AGK: variants seen among roughly 807,000 people sequenced by gnomAD.
AGK encodes the protein acylglycerol kinase, mitochondrial.
Under a neutral mutation model 66.4 loss-of-function variants are expected in AGK, and 52 were observed. That is an observed-to-expected ratio of 0.78 (90% CI 0.63 to 0.99). The LOEUF (loss-of-function observed/expected upper bound fraction) is 0.99. Ranked by LOEUF, AGK falls within the 50% of genes least tolerant of loss-of-function variation. AGK has a pLI of 0.00. For synonymous variants in AGK, 182 were observed against 181.1 expected (o/e 1.00, Z -0.04); for missense variants, 451 against 506.6 (o/e 0.89, Z 1.05).
In AGK at chr7:141,555,443, A is replaced by C; in HGVS notation, c.-14-10A>C. 1 of 1,587,040 alleles carries C rather than the reference A, an allele frequency of 6.3e-7. No individual in the cohort carries two copies. Among genetic ancestry groups the C allele is most frequent in the Non-Finnish European group, 8.6e-7 (1 of 1,156,272 alleles). ...TATATTTTTTTCTCTTTCCGCCTCTACTAACCTAGCAAATCTCTAGAAGAT... is the reference window on the plus strand; with the variant it reads ...TATATTTTTTTCTCTTTCCGCCTCTCCTAACCTAGCAAATCTCTAGAAGAT... On this transcript the variant is annotated splice_polypyrimidine_tract_variant and intron_variant, in intron 1 of 15. Coordinates refer to ENST00000649286, the MANE Select transcript of AGK (RefSeq NM_018238.4). The surrounding 1 kb of genome is among the most constrained non-coding windows in gnomAD (Gnocchi z 4.2).
chr7:141,618,094 A>C (rs1024018847), intron 8 of AGK, among the ~76,000 whole-genome samples: 6 of 152,166 alleles, frequency 3.9e-5, no homozygotes, highest in Non-Finnish European at 7.4e-5. Flanking sequence ...TGGGATTTTA[A>C]AGTATCTTAA....
chr7:141,588,595 G>C (rs1200505588), intron 2 of AGK, among the ~76,000 whole-genome samples: 1 of 151,564 alleles, frequency 6.6e-6, no homozygotes. Flanking sequence ...CAGCCTGGGG[G>C]ACAGAGTGAT....
At chr7:141,600,835 C>T (rs1049276178) in intron 4 of AGK, among the ~76,000 whole-genome samples, 1 of 152,138 alleles carries the variant, frequency 6.6e-6, no homozygotes, top group African/African-American at 2.4e-5. Context: ...AGCTCCTCCA[C>T]CTGTGTCTAT....
intron 12 of AGK, 103 bp from the exon 13 acceptor site, chr7:141,641,708 G>C: frequency 3.2e-6 from 3 of 940,428 alleles, no homozygotes; most frequent in Non-Finnish European, 4.9e-6. Context: ...AGAGTCAGCA[G>C]AAAGGTTGAG....
intron 7 of AGK, among the ~76,000 whole-genome samples, chr7:141,614,626 T>G (rs560747282): frequency 1.3e-5 from 2 of 151,064 alleles, no homozygotes; most frequent in South Asian, 4.2e-4. Flanking sequence ...CAGAAAACAA[T>G]ACTATGTATG....
At chr7:141,553,949 A>G (rs1027209692) in intron 1 of AGK, among the ~76,000 whole-genome samples, 2 of 152,184 alleles carry the variant, frequency 1.3e-5, no homozygotes, top group Non-Finnish European at 2.9e-5. Context: ...TTGTTTATCT[A>G]GAAAATAAGT....
chr7:141,602,171 T>TC (rs1796359414), intron 5 of AGK, among the ~76,000 whole-genome samples: 1 of 66,466 alleles, frequency 1.5e-5, no homozygotes, highest in African/African-American at 5.0e-5. Flanking sequence ...GGGGAGATTT[T>TC]CTTGTGTGTG....
intron 2 of AGK, among the ~76,000 whole-genome samples, chr7:141,581,082 G>A (rs940630939): frequency 1.4e-4 from 21 of 151,894 alleles, no homozygotes; most frequent in African/African-American, 4.4e-4. Flanking sequence ...GAGATCAGTC[G>A]GACACGATCG....
intron 9 of AGK, among the ~76,000 whole-genome samples, chr7:141,623,651 G>T (rs1392432785): frequency 6.6e-6 from 1 of 152,224 alleles, no homozygotes; most frequent in African/African-American, 2.4e-5. Context: ...AACATAAAGT[G>T]CAAGGTGGAG....
chr7:141,604,568 T>C (rs1343112999), intron 5 of AGK, among the ~76,000 whole-genome samples: 2 of 150,792 alleles, frequency 1.3e-5, no homozygotes, highest in African/African-American at 2.4e-5. Context: ...ATTGATGTAC[T>C]ATTATCTTGT....
intron 10 of AGK, among the ~76,000 whole-genome samples, chr7:141,635,041 C>T (rs1414286756): frequency 6.6e-6 from 1 of 152,126 alleles, no homozygotes; most frequent in East Asian, 1.9e-4. Flanking sequence ...AATCTCAAAT[C>T]CAGCAGCTCA....
intron 14 of AGK, among the ~76,000 whole-genome samples, chr7:141,650,098 G>A (rs547945052): frequency 3.3e-5 from 5 of 152,286 alleles, no homozygotes; most frequent in East Asian, 1.9e-4. Flanking sequence ...GCTCCCTCTC[G>A]TGCCCATTTA....
At chr7:141,643,577 A>G (rs1294903410) in intron 13 of AGK, among the ~76,000 whole-genome samples, 1 of 152,164 alleles carries the variant, frequency 6.6e-6, no homozygotes, top group Non-Finnish European at 1.5e-5. Flanking sequence ...TCTTAGGATA[A>G]AGCAATGAGA....
intron 2 of AGK, among the ~76,000 whole-genome samples, chr7:141,573,648 C>T (rs981343656): frequency 2.0e-5 from 3 of 152,078 alleles, no homozygotes; most frequent in Non-Finnish European, 4.4e-5. Context: ...GTTTATAGGC[C>T]GGAAGTTGTC....
chr7:141,591,803 A>G (rs1438321587), intron 2 of AGK, among the ~76,000 whole-genome samples: 1 of 152,230 alleles, frequency 6.6e-6, no homozygotes, highest in Non-Finnish European at 1.5e-5. Context: ...AGTGCCAGCA[A>G]TGTGCATTAG....
At chr7:141,574,070 G>T (rs1468645711) in intron 2 of AGK, among the ~76,000 whole-genome samples, 2 of 151,986 alleles carry the variant, frequency 1.3e-5, no homozygotes, top group Admixed American at 6.6e-5. Flanking sequence ...CTAGTAATTT[G>T]GTTGCCTAGT....
intron 1 of AGK, among the ~76,000 whole-genome samples, chr7:141,553,174 CAG>C (rs1314819903): frequency 6.6e-6 from 1 of 152,162 alleles, no homozygotes; most frequent in African/African-American, 2.4e-5. Flanking sequence ...CCTCACAATG[CAG>C]AGAGACCATC....
intron 2 of AGK, among the ~76,000 whole-genome samples, chr7:141,591,562 T>C (rs959571408): frequency 6.6e-6 from 1 of 152,194 alleles, no homozygotes; most frequent in Non-Finnish European, 1.5e-5. Flanking sequence ...AAAGCTTGCT[T>C]ATTGTTTTTC....
chr7:141,562,593 G>T (rs142464464), intron 2 of AGK, among the ~76,000 whole-genome samples: 2 of 152,260 alleles, frequency 1.3e-5, no homozygotes, highest in Non-Finnish European at 2.9e-5. Context: ...GGGCATTATG[G>T]CTACTTCTCT....
Sources: allele counts gnomAD v4.1 joint callset (sites outside exome capture counted in the v4.1 genomes callset), GRCh38; gene constraint gnomAD v4.1.1; non-coding constraint Gnocchi (gnomAD v3.1); transcripts MANE v1.5; gene names NCBI Gene and HGNC (gene_info 2026-07-23, HGNC 2026-07-21).